The following TLK2 variants were observed in gnomAD, a reference collection of about 807,000 sequenced individuals.
TLK2 encodes the protein serine/threonine-protein kinase tousled-like 2.
TLK2 carries 6 observed loss-of-function variants against 117.3 expected under a neutral mutation model. The observed-to-expected ratio is 0.05, with a 90% confidence interval of 0.03 to 0.10. The LOEUF is 0.10. TLK2 is among the 10% of genes least tolerant of loss of function. The pLI is 1.00. For synonymous variants in TLK2, 257 were observed against 316.7 expected, an observed-to-expected ratio of 0.81 and a Z score of 2.00; for missense variants, 299 against 901.2, an observed-to-expected ratio of 0.33 and a Z score of 8.56.
intron 16 of TLK2, among the ~76,000 whole-genome samples, chr17:62,594,817 C>A (rs533544668): frequency 8.6e-5 from 13 of 151,274 alleles, no homozygotes; most frequent in African/African-American, 3.2e-4. Context: ...CACACACACA[C>A]ACACACACAC....
chr17:62,476,839 T>C (rs2071059391), upstream of TLK2, among the ~76,000 whole-genome samples: 1 of 151,728 alleles, frequency 6.6e-6, no homozygotes, highest in African/African-American at 2.4e-5. Flanking sequence ...CCCAGCACTT[T>C]GGGAGGCTGA....
chr17:62,563,435 CCT>C (rs2146405227), intron 10 of TLK2, among the ~76,000 whole-genome samples: 1 of 151,992 alleles, frequency 6.6e-6, no homozygotes, highest in East Asian at 1.9e-4. Context: ...AGAGTGAGAC[CCT>C]GTCTCTTAAA....
chr17:62,487,322 G>A (rs1274529801), intron 2 of TLK2, among the ~76,000 whole-genome samples: 1 of 150,760 alleles, frequency 6.6e-6, no homozygotes, highest in African/African-American at 2.4e-5. Context: ...AAATATGATT[G>A]CAAAATGAAA....
chr17:62,512,489 C>G (rs2075230589), intron 2 of TLK2, among the ~76,000 whole-genome samples: 1 of 152,058 alleles, frequency 6.6e-6, no homozygotes, highest in Non-Finnish European at 1.5e-5. Flanking sequence ...TCCCAAAGTG[C>G]TGGTGAGCCA....
intron 11 of TLK2, 36 bp from the exon 12 acceptor site, chr17:62,573,179 C>G (rs903397499): frequency 1.3e-6 from 2 of 1,578,342 alleles, no homozygotes; most frequent in Admixed American, 3.7e-5. Flanking sequence ...AAACTTTTGA[C>G]TTTCTTTCTT....
chr17:62,516,133 C>T (rs2075562915), intron 2 of TLK2, among the ~76,000 whole-genome samples: 1 of 152,078 alleles, frequency 6.6e-6, no homozygotes, highest in Admixed American at 6.6e-5. Flanking sequence ...TCATGTTGGC[C>T]AGGCTGGTCT....
At chr17:62,540,630 C>A (rs1005183077) in intron 7 of TLK2, among the ~76,000 whole-genome samples, 3 of 150,988 alleles carry the variant, frequency 2.0e-5, no homozygotes, top group Non-Finnish European at 3.0e-5. Flanking sequence ...AACTCCTAAC[C>A]TCAGGTGATC....
upstream of TLK2, among the ~76,000 whole-genome samples, chr17:62,474,827 C>CTT (rs748987436): frequency 7.1e-5 from 10 of 140,412 alleles, no homozygotes; most frequent in Admixed American, 1.4e-4. Context: ...CACCTGGCCT[C>CTT]TTTTTTTTTT....
intron 2 of TLK2, among the ~76,000 whole-genome samples, chr17:62,518,695 G>T (rs2075810668): frequency 1.3e-5 from 2 of 151,508 alleles, no homozygotes; most frequent in Admixed American, 1.3e-4. Context: ...TACAGAGCGA[G>T]ACTCCGTCTC....
intron 6 of TLK2, among the ~76,000 whole-genome samples, chr17:62,532,245 G>A (rs987811412): frequency 3.3e-5 from 5 of 152,082 alleles, no homozygotes; most frequent in African/African-American, 4.8e-5. Flanking sequence ...CCCCCAGGGA[G>A]ACGTTGGTTC....
chr17:62,558,733 C>T (rs1292098813), intron 9 of TLK2, among the ~76,000 whole-genome samples: 1 of 152,000 alleles, frequency 6.6e-6, no homozygotes, highest in Admixed American at 6.6e-5. Context: ...TGGTTCTGTA[C>T]AAAAACTAAC....
intron 7 of TLK2, among the ~76,000 whole-genome samples, chr17:62,549,425 A>AAAAAAAAGT (rs2078251920): frequency 1.7e-5 from 2 of 118,802 alleles, no homozygotes; most frequent in Non-Finnish European, 3.6e-5. Context: ...AAAAAAAAAA[A>AAAAAAAAGT]AAAAAAAAAA....
In TLK2 at chr17:62,611,535, G is replaced by A. The variant is rs571545186; in HGVS notation, c.2080-857G>A. Among the ~76,000 whole-genome samples, 30 of 152,294 alleles carry A rather than the reference G, an allele frequency of 2.0e-4. 1 individual carries two copies. The highest frequency in any genetic ancestry group is 5.8e-4 in the African/African-American group (24 of 41,578). Reference sequence around the variant, plus strand: ...GCCTCCGCATCGATATCCCCTGCCAGAGCAGTCCATTCGAGAGAGCCAATG... The same window carrying A: ...GCCTCCGCATCGATATCCCCTGCCAAAGCAGTCCATTCGAGAGAGCCAATG... On this transcript the variant is annotated intron_variant, in intron 21 of 21. Transcript: ENST00000346027.
chr17:62,487,588 A>T (rs1191962744), intron 2 of TLK2, among the ~76,000 whole-genome samples: 1 of 149,064 alleles, frequency 6.7e-6, no homozygotes, highest in Admixed American at 6.7e-5. Flanking sequence ...TTTAATCTGC[A>T]GGAATTCTTT....
intron 2 of TLK2, among the ~76,000 whole-genome samples, 195 bp downstream of exon 2, chr17:62,481,401 A>G (rs1489679587): frequency 1.3e-5 from 2 of 152,158 alleles, no homozygotes; most frequent in Admixed American, 6.5e-5. Flanking sequence ...AATGTTCTAT[A>G]TGGGAATATA....
chr17:62,545,646 T>G (rs1326419355), intron 7 of TLK2, among the ~76,000 whole-genome samples: 2 of 152,122 alleles, frequency 1.3e-5, no homozygotes, highest in African/African-American at 2.4e-5. Flanking sequence ...TCATGTTTAC[T>G]GTATGTTTTT....
At chr17:62,539,974 A>G (rs372208422) in intron 7 of TLK2, among the ~76,000 whole-genome samples, 2 of 151,500 alleles carry the variant, frequency 1.3e-5, no homozygotes, top group Admixed American at 6.6e-5. Context: ...CATGTTCAAA[A>G]CTGAACTCTT....
chr17:62,520,893 C>G (rs2075995593), intron 3 of TLK2, 49 bp downstream of exon 3: 3 of 1,594,192 alleles, frequency 1.9e-6, no homozygotes, highest in African/African-American at 2.7e-5. Flanking sequence ...TACGTTTGGG[C>G]CAGGTTTGGT....
chr17:62,584,633 A>T (rs148922216), intron 15 of TLK2, among the ~76,000 whole-genome samples: 214 of 152,300 alleles, frequency 1.4e-3, no homozygotes, highest in Admixed American at 3.8e-3. Flanking sequence ...TGGCAAACAC[A>T]TTGAAGCCCT....
Sources: allele counts gnomAD v4.1 joint callset (sites outside exome capture counted in the v4.1 genomes callset), GRCh38; gene constraint gnomAD v4.1.1; transcripts MANE v1.5; gene names NCBI Gene and HGNC (gene_info 2026-07-23, HGNC 2026-07-21).